Variants in TMEM273 observed in about 807,000 individuals in gnomAD.
TMEM273 encodes chromosome 10 open reading frame 128.
TMEM273 carries 19 observed loss-of-function variants against 17.9 expected under a neutral mutation model. The ratio of observed to expected loss-of-function variants is 1.06; its 90% confidence interval spans 0.74 to 1.55. The LOEUF is 1.55. Among genes scored for constraint, TMEM273 ranks in the 40% most tolerant of loss-of-function variants. The pLI is 0.00. For missense variants in TMEM273, 194 were observed against 155.6 expected (o/e 1.25, Z -1.31); for synonymous variants, 66 against 62.0 (o/e 1.07, Z -0.31).
At chr10:49,171,679 G>A (rs1846579906) in intron 1 of TMEM273, among the ~76,000 whole-genome samples, 1 of 152,248 alleles carries the variant, frequency 6.6e-6, no homozygotes, top group South Asian at 2.1e-4. Context: ...CTCTGCAAGA[G>A]TGGATGTCCC....
At chr10:49,186,045 G>T (rs1443145476) in intron 1 of TMEM273, among the ~76,000 whole-genome samples, 1 of 148,860 alleles carries the variant, frequency 6.7e-6, no homozygotes, top group East Asian at 2.0e-4. Flanking sequence ...AAAAGAAGAA[G>T]AAGAAGAGGA....
Position 49,155,754 on chromosome 10 carries a change from A to T in TMEM273, c.*138T>A. The stretch of plus-strand genomic sequence containing the variant: ...CACTGTATATTCTATTCCTTCTATT[A>T]TTTGCCTCCAATATTCAGTCCATGT... On this transcript the variant is annotated 3_prime_UTR_variant, in exon 7 of 7. Transcript: ENST00000374153. The T allele has an allele frequency of 8.4e-7, 1 of 1,187,712 alleles. No individual in the cohort carries two copies. The highest frequency in any genetic ancestry group is 1.2e-6 in the Non-Finnish European group (1 of 816,038). The allele number at this position is 1,187,712 out of a possible 1,614,324, so 73.6% of individuals were successfully genotyped here.
chr10:49,163,042 G>A lies in TMEM273; in HGVS notation c.349-1420C>T, dbSNP rs556790961. On this transcript the variant is annotated intron_variant, in intron 5 of 6. Transcript: ENST00000374153. ...TGGGACACCCTCCTGGCCAGGTGCCGCAGCTGCACACTTAGGAGAACCTGT... is the reference window on the plus strand; with the variant it reads ...TGGGACACCCTCCTGGCCAGGTGCCACAGCTGCACACTTAGGAGAACCTGT... Among the ~76,000 whole-genome samples, 360 of 152,232 alleles carry A rather than the reference G, an allele frequency of 2.4e-3. 3 individuals are homozygous for A. Among genetic ancestry groups the A allele is most frequent in the Non-Finnish European group, 2.4e-3 (162 of 68,010 alleles).
Position 49,165,773 on chromosome 10 carries a change from C to T in TMEM273, c.262G>A (p.Ala88Thr), listed in dbSNP as rs1034591748. 2 of 1,614,060 alleles carry T rather than the reference C, an allele frequency of 1.2e-6. No individual in the cohort carries two copies. The highest frequency in any genetic ancestry group is 1.7e-6 in the Non-Finnish European group (2 of 1,180,038). The change falls in exon 4 of 7, where the codon GCC becomes ACC. Residue 88 changes from alanine to threonine, a missense_variant. Ala to Thr is a moderately conservative substitution (Grantham distance 58). Coordinates refer to ENST00000374153, the MANE Select transcript of TMEM273 (RefSeq NM_001288740.3). Reference protein sequence around the residue: ...LSDTIPLKKRAPRKLQASTLF... With the variant: ...LSDTIPLKKRTPRKLQASTLF... ...TGTGGGCAGTGACCTTACCTTGGGG[C>T]TCTCTTCTTTAGCGGGATGGTGTCT...
At chr10:49,165,398 G>A in intron 4 of TMEM273, 115 bp from the exon 5 acceptor site, 1 of 1,524,946 alleles carries the variant, frequency 6.6e-7, no homozygotes, top group Non-Finnish European at 8.8e-7. Flanking sequence ...TGCCAGCAGG[G>A]AAGCCCAGAA....
At chr10:49,173,881 C>G (rs1422867340) in intron 1 of TMEM273, among the ~76,000 whole-genome samples, 1 of 152,164 alleles carries the variant, frequency 6.6e-6, no homozygotes, top group African/African-American at 2.4e-5. Context: ...ATAGCGTTTC[C>G]CCTGTGGCTC....
At chr10:49,164,280 T>C (rs537306349) in intron 5 of TMEM273, among the ~76,000 whole-genome samples, 2 of 152,308 alleles carry the variant, frequency 1.3e-5, no homozygotes, top group African/African-American at 2.4e-5. Flanking sequence ...TCTCCTCCAG[T>C]GGCTGTCTCA....
chr10:49,176,054 A>G (rs895774108), intron 1 of TMEM273, among the ~76,000 whole-genome samples: 4 of 152,140 alleles, frequency 2.6e-5, no homozygotes, highest in African/African-American at 4.8e-5. Context: ...TCTGCCACCC[A>G]TTGTCAGCCT....
At chr10:49,175,033 G>A (rs1177850304) in intron 1 of TMEM273, among the ~76,000 whole-genome samples, 2 of 151,946 alleles carry the variant, frequency 1.3e-5, no homozygotes, top group Non-Finnish European at 2.9e-5. Flanking sequence ...AAAACAAAAG[G>A]ACCAGTTGGA....
intron 1 of TMEM273, among the ~76,000 whole-genome samples, chr10:49,184,745 A>AG (rs957690237): frequency 9.2e-5 from 14 of 152,200 alleles, no homozygotes; most frequent in Non-Finnish European, 1.6e-4. Flanking sequence ...TTCCCCTGCC[A>AG]GGGGTGTCTG....
In TMEM273 at chr10:49,155,695, A is replaced by G. The variant is rs888876986; in HGVS notation, c.*197T>C. The G allele has an allele frequency of 9.8e-6, 7 of 717,220 alleles. No homozygotes were observed. The highest frequency in any genetic ancestry group is 1.1e-5 in the Non-Finnish European group (5 of 436,926). 44.4% of individuals were successfully genotyped at this position (717,220 alleles called of 1,614,324 possible). ...TTCCTCTGTGCAGTCCGTTTCTTCC[A>G]GAAGAGGCATGATATTTTCCTTCAG... On this transcript the variant is annotated 3_prime_UTR_variant, in exon 7 of 7. Coordinates refer to ENST00000374153, the MANE Select transcript of TMEM273 (RefSeq NM_001288740.3).
At position 49,186,068 on chromosome 10, in the gene TMEM273, G is replaced by GAAGAAGAA. The variant is rs1554850042; in HGVS notation, c.43+2225_43+2226insTTCTTCTT. Among the ~76,000 whole-genome samples, 235 of 67,160 alleles carry GAAGAAGAA rather than the reference G, an allele frequency of 3.5e-3. 3 individuals carry two copies. Among genetic ancestry groups the GAAGAAGAA allele is most frequent in the African/African-American group, 0.01 (206 of 19,780 alleles). The allele number at this position is 67,160 out of a possible 152,430, so 44.1% of individuals were successfully genotyped here. A position where few individuals can be genotyped will look rare whatever the true frequency, so the allele number is the denominator to read the frequency against. ...AAGAAGAAGAGGAAGAAGAAGAAGA[G>GAAGAAGAA]GAAGAAGAAGAAGAAGAAGAAGAAG... On this transcript the variant is annotated intron_variant, in intron 1 of 6. Coordinates refer to ENST00000374153, the MANE Select transcript of TMEM273 (RefSeq NM_001288740.3).
intron 4 of TMEM273, 91 bp from the exon 5 acceptor site, chr10:49,165,374 G>A (rs1289565785): frequency 6.5e-7 from 1 of 1,540,714 alleles, no homozygotes; most frequent in Non-Finnish European, 8.7e-7. Context: ...GTGCAGAAGA[G>A]CAGGGTACCT....
chr10:49,168,851 G>A (rs1010234575), intron 1 of TMEM273, among the ~76,000 whole-genome samples: 2 of 152,280 alleles, frequency 1.3e-5, no homozygotes, highest in African/African-American at 2.4e-5. Flanking sequence ...TGATCCAGAG[G>A]TGAGGTCCTT....
At position 49,186,433 on chromosome 10, in the gene TMEM273, A is replaced by G. The variant is rs549752499; in HGVS notation, c.43+1861T>C. On this transcript the variant is annotated intron_variant, in intron 1 of 6. Transcript: ENST00000374153. ...TTCCTGGAGGTGGAATTTCTGGGTG[A>G]AGGGTTATGAACATCTTACATTTCG... 7.2e-5 allele frequency among the ~76,000 whole-genome samples: 11 copies of G among 152,324 alleles called. No homozygotes were observed. In the South Asian group the frequency reaches 2.1e-3, roughly 29 times the overall value.
At chr10:49,170,947 T>G (rs1226924917) in intron 1 of TMEM273, among the ~76,000 whole-genome samples, 1 of 152,232 alleles carries the variant, frequency 6.6e-6, no homozygotes, top group African/African-American at 2.4e-5. Context: ...AGCTGGAGGA[T>G]GGCTGGCCCT....
intron 1 of TMEM273, among the ~76,000 whole-genome samples, chr10:49,182,559 A>G (rs955408168): frequency 2.6e-5 from 4 of 152,236 alleles, no homozygotes; most frequent in African/African-American, 9.6e-5. Context: ...TGCCAACAGA[A>G]TTAAAACTGA....
intron 1 of TMEM273, among the ~76,000 whole-genome samples, chr10:49,171,193 T>C (rs1254341319): frequency 6.6e-6 from 1 of 152,224 alleles, no homozygotes; most frequent in Non-Finnish European, 1.5e-5. Context: ...AACCTGTAGA[T>C]TTGCTGAGGC....
chr10:49,186,068 G>GAAA (rs1554850042), intron 1 of TMEM273, among the ~76,000 whole-genome samples: 1 of 67,090 alleles, frequency 1.5e-5, no homozygotes, highest in African/African-American at 5.1e-5. Context: ...AAGAAGAAGA[G>GAAA]GAAGAAGAAG....
Sources: allele counts gnomAD v4.1 joint callset (sites outside exome capture counted in the v4.1 genomes callset), GRCh38; gene constraint gnomAD v4.1.1; transcripts MANE v1.5; gene names NCBI Gene and HGNC (gene_info 2026-07-23, HGNC 2026-07-21).